TBC1D14: variants seen among roughly 807,000 people sequenced by gnomAD.
TBC1D14 encodes TBC1 domain family, member 14.
Under a neutral mutation model 79.0 loss-of-function variants are expected in TBC1D14, and 26 were observed. The observed-to-expected ratio is 0.33, with a 90% CI of 0.24 to 0.46. The LOEUF (loss-of-function observed/expected upper bound fraction) is 0.46. TBC1D14 is among the 20% of genes least tolerant of loss of function. TBC1D14 has a pLI of 1.00. For synonymous variants in TBC1D14, 394 were observed against 349.9 expected (o/e 1.13, Z -1.40); for missense variants, 769 against 887.6 (o/e 0.87, Z 1.70).
At chr4:6,956,551 C>A (rs1714660019) in intron 2 of TBC1D14, among the ~76,000 whole-genome samples, 1 of 152,202 alleles carries the variant, frequency 6.6e-6, no homozygotes, top group Non-Finnish European at 1.5e-5. Flanking sequence ...GCCCGGTCCC[C>A]CTTCACTCTC....
At chr4:6,942,983 G>T (rs1476877737) in intron 2 of TBC1D14, among the ~76,000 whole-genome samples, 1 of 152,210 alleles carries the variant, frequency 6.6e-6, no homozygotes, top group African/African-American at 2.4e-5. Context: ...AATGTTCGCT[G>T]CTGTAACAAA....
In TBC1D14 at chr4:6,947,587, G is replaced by A. The variant is rs138435750; in HGVS notation, c.723-19717G>A. Among the ~76,000 whole-genome samples, 257 of 151,942 alleles carry A rather than the reference G, an allele frequency of 1.7e-3. 1 individual carries two copies. The highest frequency in any genetic ancestry group is 3.4e-3 in the Middle Eastern group (1 of 294). On this transcript the variant is annotated intron_variant, in intron 2 of 13. Coordinates refer to ENST00000409757, the MANE Select transcript of TBC1D14 (RefSeq NM_020773.3). The stretch of plus-strand genomic sequence containing the variant: ...TGAGGCAGGAGAATCCCTTGAACCC[G>A]GGAGGCGGAGGTTGTAGTGAGCTGA...
chr4:6,934,115 G>A (rs1240786435), intron 2 of TBC1D14, among the ~76,000 whole-genome samples: 1 of 152,114 alleles, frequency 6.6e-6, no homozygotes, highest in African/African-American at 2.4e-5. Flanking sequence ...AGTGGGGCTG[G>A]ATGGGAGGTA....
In TBC1D14 at chr4:6,923,690, T is replaced by C. The variant is rs1316990115; in HGVS notation, c.301T>C (p.Phe101Leu). 1 of 1,613,746 alleles carries C rather than the reference T, an allele frequency of 6.2e-7. No individual in the cohort carries two copies. The highest frequency in any genetic ancestry group is 8.5e-7 in the Non-Finnish European group (1 of 1,180,004). The change falls in exon 2 of 14, where the codon TTC (phenylalanine) becomes CTC (leucine). Residue 101 changes from phenylalanine to leucine, a missense_variant. Phe to Leu is a conservative substitution (Grantham distance 22, BLOSUM62 0). Transcript: ENST00000409757. ...CTCCGACCTCATCCCCGAGCGGGCC[T>C]TCCAGAGCGCCTGCGCGCTGCCATC... is the stretch of plus-strand genomic sequence containing the variant. The part of the protein sequence containing the change: ...SDSDLIPERA[F>L]QSACALPSCA...
intron 1 of TBC1D14, among the ~76,000 whole-genome samples, chr4:6,919,787 AT>A (rs1200078010): frequency 6.6e-6 from 1 of 151,590 alleles, no homozygotes; most frequent in East Asian, 1.9e-4. Context: ...TGCCCAGCTA[AT>A]TTTTGTATTT....
chr4:6,974,048 T>C (rs951051496), intron 3 of TBC1D14, among the ~76,000 whole-genome samples: 5 of 152,124 alleles, frequency 3.3e-5, no homozygotes, highest in Non-Finnish European at 7.4e-5. Context: ...GGTCTCGAAC[T>C]CCTGACCTCA....
At position 6,921,218 on chromosome 4, in the gene TBC1D14, T is replaced by C. The variant is rs577102654; in HGVS notation, c.-17-2155T>C. Reference sequence around the variant, plus strand: ...GAGAACTTTATTTTTTATTTATTTATTTTTGAGACAGGGTCTCTTTCTGTC... The same window carrying C: ...GAGAACTTTATTTTTTATTTATTTACTTTTGAGACAGGGTCTCTTTCTGTC... On this transcript the variant is annotated intron_variant, in intron 1 of 13. Coordinates refer to ENST00000409757, the MANE Select transcript of TBC1D14 (RefSeq NM_020773.3). Among the ~76,000 whole-genome samples, 43 of 151,942 alleles carry C rather than the reference T, an allele frequency of 2.8e-4. No homozygotes were observed. In the East Asian group the frequency reaches 4.7e-3, roughly 17 times the overall value.
intron 3 of TBC1D14, among the ~76,000 whole-genome samples, chr4:6,986,183 T>C (rs67315413): frequency 0.11 from 17,481 of 152,236 alleles, 1,521 homozygotes; most frequent in African/African-American, 0.24. Flanking sequence ...GCCTAGCGTT[T>C]TTGAGGTTCA....
At chr4:6,915,544 G>A (rs759836579) in intron 1 of TBC1D14, among the ~76,000 whole-genome samples, 6 of 152,198 alleles carry the variant, frequency 3.9e-5, no homozygotes, top group Non-Finnish European at 7.3e-5. Context: ...CTCCGCCACA[G>A]TGGAGACCTT....
intron 12 of TBC1D14, among the ~76,000 whole-genome samples, chr4:7,024,609 A>G (rs1158119458): frequency 6.6e-6 from 1 of 152,224 alleles, no homozygotes; most frequent in African/African-American, 2.4e-5. Context: ...GAACCTGTGC[A>G]GTGGCGCCAG....
At position 7,031,056 on chromosome 4, in the gene TBC1D14, G is replaced by A. The variant is rs572236922; in HGVS notation, c.*664G>A. The A allele has an allele frequency of 1.3e-5, 2 of 152,488 alleles. No individual in the cohort carries two copies. The highest frequency in any genetic ancestry group is 4.8e-5 in the African/African-American group (2 of 41,576). 9.4% of individuals were successfully genotyped at this position (152,488 alleles called of 1,614,324 possible). ...CACACGTGGGCTCCAGTGGGACTGC[G>A]CTCTGGGAGACTGCTCCCTGGCATC... On this transcript the variant is annotated 3_prime_UTR_variant, in exon 14 of 14. Transcript: ENST00000409757.
intron 2 of TBC1D14, among the ~76,000 whole-genome samples, chr4:6,951,324 T>TA (rs1335789572): frequency 6.6e-6 from 1 of 151,478 alleles, no homozygotes; most frequent in Non-Finnish European, 1.5e-5. Flanking sequence ...AACAACAACA[T>TA]AAAAAACCCT....
intron 11 of TBC1D14, among the ~76,000 whole-genome samples, chr4:7,011,810 G>A (rs147044523): frequency 9.8e-4 from 149 of 151,548 alleles, no homozygotes; most frequent in African/African-American, 3.1e-3. Flanking sequence ...CACCTGCCTC[G>A]GCCTCCCAAA....
chr4:6,958,977 G>A (rs1008446323), intron 2 of TBC1D14, among the ~76,000 whole-genome samples: 6 of 151,588 alleles, frequency 4.0e-5, no homozygotes, highest in African/African-American at 7.3e-5. Flanking sequence ...TCCGCCTCCC[G>A]GGTTCACGCC....
intron 3 of TBC1D14, among the ~76,000 whole-genome samples, chr4:6,979,095 C>T (rs1040261034): frequency 1.3e-5 from 2 of 151,820 alleles, no homozygotes; most frequent in African/African-American, 4.8e-5. Flanking sequence ...TTAGACCAAC[C>T]ACTAAACTAT....
At chr4:6,954,124 C>T (rs1714384339) in intron 2 of TBC1D14, 1 of 600,540 alleles carries the variant, frequency 1.7e-6, no homozygotes, top group South Asian at 2.0e-5. Flanking sequence ...GCCGCCCCCG[C>T]CTTTCCGCCG....
At chr4:6,980,338 T>C (rs1717250163) in intron 3 of TBC1D14, among the ~76,000 whole-genome samples, 1 of 152,140 alleles carries the variant, frequency 6.6e-6, no homozygotes, top group African/African-American at 2.4e-5. Flanking sequence ...TAGAAAATAT[T>C]TTGAAGCGAA....
chr4:7,013,385 A>C (rs550787413), intron 11 of TBC1D14, among the ~76,000 whole-genome samples: 2 of 152,374 alleles, frequency 1.3e-5, no homozygotes, highest in South Asian at 4.1e-4. Context: ...TCGGATGCAC[A>C]GACACCAGAG....
chr4:6,926,239 G>A (rs1724288797), intron 2 of TBC1D14, among the ~76,000 whole-genome samples: 2 of 152,190 alleles, frequency 1.3e-5, no homozygotes, highest in Admixed American at 6.5e-5. Flanking sequence ...ATTAAAATGG[G>A]TTAGCATGTG....
Sources: gnomAD v4.1 joint callset for allele counts (sites outside exome capture counted in the v4.1 genomes callset) on GRCh38, gnomAD v4.1.1 for gene constraint, MANE v1.5 for transcripts, NCBI Gene and HGNC (gene_info 2026-07-23, HGNC 2026-07-21) for gene names.